GRM4: variants seen among roughly 807,000 people sequenced by gnomAD.
GRM4 encodes the protein metabotropic glutamate receptor 4.
GRM4 carries 28 observed loss-of-function variants against 81.7 expected under a neutral mutation model. The ratio of observed to expected loss-of-function variants is 0.34; its 90% CI spans 0.25 to 0.47. The LOEUF (loss-of-function observed/expected upper bound fraction) is 0.47, where lower values mean the gene tolerates loss of function less well. Among genes scored for constraint, GRM4 ranks in the 20% least tolerant of loss-of-function variants. The probability of loss-of-function intolerance (pLI) is 1.00; values close to 1 mark genes in which losing one functional copy is unlikely to be tolerated. For missense variants in GRM4, 948 were observed against 1,290.0 expected, an observed-to-expected ratio of 0.73 and a Z score of 4.06; for synonymous variants, 488 against 528.8, an observed-to-expected ratio of 0.92 and a Z score of 1.06.
At chr6:34,081,059 C>T (rs76924224) in intron 3 of GRM4, among the ~76,000 whole-genome samples, 7,773 of 152,266 alleles carry the variant, frequency 0.051, 515 homozygotes, top group African/African-American at 0.16. Context: ...CCCACCAATG[C>T]TTCCCTGGGG....
At chr6:34,126,679 G>A (rs950450285) in intron 2 of GRM4, among the ~76,000 whole-genome samples, 22 of 152,316 alleles carry the variant, frequency 1.4e-4, no homozygotes, top group African/African-American at 5.1e-4. Flanking sequence ...CCAGGAGCTC[G>A]CAGAGAGCTC....
chr6:34,124,967 C>A (rs1370585712), intron 2 of GRM4, among the ~76,000 whole-genome samples: 3 of 152,056 alleles, frequency 2.0e-5, no homozygotes, highest in Non-Finnish European at 4.4e-5. Flanking sequence ...CCCCCAAAGG[C>A]CTCCACACTT....
chr6:34,067,430 CTCCCTCCGTCCTTCCT>C (rs1766531547), intron 3 of GRM4, among the ~76,000 whole-genome samples: 1 of 127,672 alleles, frequency 7.8e-6, no homozygotes, highest in Non-Finnish European at 1.6e-5. Flanking sequence ...CCGTCCTTCC[CTCCCTCCGTCCTTCCT>C]TCCCTCCCTC....
chr6:34,134,373 G>C (rs907770361), intron 1 of GRM4, among the ~76,000 whole-genome samples: 2 of 152,174 alleles, frequency 1.3e-5, no homozygotes, highest in Non-Finnish European at 2.9e-5. Context: ...TGGAACCCGA[G>C]ACACTTTGGC....
At chr6:34,026,116 C>G (rs1229307320) in intron 10 of GRM4, among the ~76,000 whole-genome samples, 1 of 152,098 alleles carries the variant, frequency 6.6e-6, no homozygotes, top group Non-Finnish European at 1.5e-5. Context: ...CACCCCTTGT[C>G]TCCGCACCCA....
chr6:34,039,308 G>A (rs992189198), intron 8 of GRM4, among the ~76,000 whole-genome samples: 12 of 152,264 alleles, frequency 7.9e-5, no homozygotes, highest in African/African-American at 2.4e-4. Flanking sequence ...GGGGTTCCTC[G>A]CTGGAAGAGA....
At chr6:34,094,888 T>C (rs1768429249) in intron 2 of GRM4, among the ~76,000 whole-genome samples, 1 of 152,116 alleles carries the variant, frequency 6.6e-6, no homozygotes, top group Non-Finnish European at 1.5e-5. Flanking sequence ...TCATCCCTAT[T>C]CCTCCTTCCA....
At chr6:34,109,692 A>G (rs765033112) in intron 2 of GRM4, among the ~76,000 whole-genome samples, 5 of 152,076 alleles carry the variant, frequency 3.3e-5, no homozygotes, top group Non-Finnish European at 7.4e-5. Context: ...ATTACCCTCT[A>G]CGGTGTCCCT....
At chr6:34,026,719 G>A (rs1024894782) in intron 10 of GRM4, among the ~76,000 whole-genome samples, 7 of 152,180 alleles carry the variant, frequency 4.6e-5, no homozygotes, top group African/African-American at 1.4e-4. Flanking sequence ...AGAGCTCTCT[G>A]TGAGGGCCCC....
chr6:34,051,942 G>A (rs1251986286), intron 6 of GRM4, among the ~76,000 whole-genome samples: 1 of 152,204 alleles, frequency 6.6e-6, no homozygotes, highest in Non-Finnish European at 1.5e-5. Context: ...GGCAGCACCA[G>A]CATTCACACC....
At chr6:34,132,896 C>A (rs1017452610) in intron 2 of GRM4, 82 bp downstream of exon 2, 2 of 1,170,196 alleles carry the variant, frequency 1.7e-6, no homozygotes, top group South Asian at 1.5e-5. Context: ...AGGGGCTGGT[C>A]GGCCAGGCCT....
intron 3 of GRM4, among the ~76,000 whole-genome samples, chr6:34,088,183 C>T (rs923061455): frequency 6.6e-6 from 1 of 152,084 alleles, no homozygotes; most frequent in Non-Finnish European, 1.5e-5. Flanking sequence ...AGTGCAATGG[C>T]GCAATCTCGG....
Position 34,068,750 on chromosome 6 carries a change from G to C in GRM4, c.737-6722C>G, listed in dbSNP as rs1766620035. On this transcript the variant is annotated intron_variant, in intron 3 of 10. Coordinates refer to ENST00000538487, the MANE Select transcript of GRM4 (RefSeq NM_000841.4). The surrounding 1 kb of genome is among the most constrained non-coding windows in gnomAD (Gnocchi z 4.2). ...ACTCCCTGCTGTGGGGAGACAGTCAGGGGTCCCCCAGGCTGTCACCTTGGA... is the reference window on the plus strand; with the variant it reads ...ACTCCCTGCTGTGGGGAGACAGTCACGGGTCCCCCAGGCTGTCACCTTGGA... 6.6e-6 allele frequency among the ~76,000 whole-genome samples: 1 copy of C among 152,116 alleles called. No homozygotes were observed. The highest frequency in any genetic ancestry group is 2.4e-5 in the African/African-American group (1 of 41,422).
intron 2 of GRM4, among the ~76,000 whole-genome samples, chr6:34,103,319 C>T (rs1768937386): frequency 6.6e-6 from 1 of 152,162 alleles, no homozygotes; most frequent in Non-Finnish European, 1.5e-5. Context: ...CCCTTTTAAA[C>T]ATTATATGTT....
intron 3 of GRM4, among the ~76,000 whole-genome samples, chr6:34,066,064 C>T (rs556088740): frequency 1.4e-4 from 22 of 152,226 alleles, no homozygotes; most frequent in South Asian, 1.0e-3. Flanking sequence ...CCTCGGGGCC[C>T]GCCTTTACTA....
intron 5 of GRM4, among the ~76,000 whole-genome samples, chr6:34,057,959 T>TGGTG (rs1561779931): frequency 1.3e-5 from 2 of 151,984 alleles, no homozygotes. Context: ...TATGTGTGTG[T>TGGTG]GGTGGGTGGG....
At chr6:34,147,402 G>A (rs1337766353), upstream of GRM4, among the ~76,000 whole-genome samples, 3 of 152,204 alleles carry the variant, frequency 2.0e-5, no homozygotes, top group Admixed American at 1.3e-4. Context: ...CCAGCCAAGT[G>A]TGCACTGCTC....
chr6:34,140,860 A>G (rs1770657364), intron 1 of GRM4, among the ~76,000 whole-genome samples: 1 of 152,220 alleles, frequency 6.6e-6, no homozygotes, highest in Non-Finnish European at 1.5e-5. Flanking sequence ...CCTGGAAAGC[A>G]GGGGCCACTG....
At chr6:34,110,894 C>G in intron 2 of GRM4, 1 of 1,293,232 alleles carries the variant, frequency 7.7e-7, no homozygotes, top group Non-Finnish European at 9.8e-7. Context: ...CCCCCCAGGG[C>G]AGGCTGGGAG....
Sources: gnomAD v4.1 joint callset for allele counts (sites outside exome capture counted in the v4.1 genomes callset) on GRCh38, gnomAD v4.1.1 for gene constraint, Gnocchi (gnomAD v3.1) non-coding constraint, MANE v1.5 for transcripts, NCBI Gene and HGNC (gene_info 2026-07-23, HGNC 2026-07-21) for gene names.